TLL1: variants seen among roughly 807,000 people sequenced by gnomAD.
TLL1 encodes tolloid-like protein 1.
Under a neutral mutation model 128.2 loss-of-function variants are expected in TLL1, and 49 were observed. The observed-to-expected ratio is 0.38, with a 90% CI of 0.30 to 0.48. TLL1 has a LOEUF of 0.48. Among genes scored for constraint, TLL1 ranks in the 20% least tolerant of loss-of-function variants. TLL1 has a pLI of 0.96. For missense variants in TLL1, 1,123 were observed against 1,242.0 expected (o/e 0.90, Z 1.44); for synonymous variants, 454 against 418.8 (o/e 1.08, Z -1.03).
chr4:165,983,506 A>C, intron 1 of TLL1, among the ~76,000 whole-genome samples: 1 of 151,990 alleles, frequency 6.6e-6, no homozygotes, highest in African/African-American at 2.4e-5. Context: ...TTTATTATCA[A>C]ATATTTTCAT....
At chr4:165,900,049 C>T (rs920158581) in intron 1 of TLL1, among the ~76,000 whole-genome samples, 2 of 148,374 alleles carry the variant, frequency 1.3e-5, no homozygotes, top group East Asian at 2.0e-4. Flanking sequence ...CCCCTGCTTT[C>T]CCTGATTTTT....
At chr4:166,068,009 CCTT>C (rs1740647336) in intron 16 of TLL1, among the ~76,000 whole-genome samples, 1 of 151,392 alleles carries the variant, frequency 6.6e-6, no homozygotes, top group Non-Finnish European at 1.5e-5. Context: ...TATAATTTTC[CCTT>C]CTTTATTAGA....
chr4:166,038,659 A>G (rs1309824394), intron 9 of TLL1, among the ~76,000 whole-genome samples: 6 of 152,196 alleles, frequency 3.9e-5, no homozygotes, highest in Non-Finnish European at 5.9e-5. Flanking sequence ...CTCTTGAGTT[A>G]TCTTTACGCA....
In TLL1 at chr4:166,039,452, C is replaced by T. The variant is rs2111089588; in HGVS notation, c.1261+11C>T. The T allele has an allele frequency of 6.3e-7, 1 of 1,594,992 alleles. No individual in the cohort carries two copies. The stretch of plus-strand genomic sequence containing the variant: ...AATCACCTCTCCTTGGTAAGATATC[C>T]TTTCCCTTTTATGTGGCTATGTATC... On this transcript the variant is annotated intron_variant, in intron 10 of 20. Coordinates refer to ENST00000061240, the MANE Select transcript of TLL1 (RefSeq NM_012464.5).
intron 1 of TLL1, among the ~76,000 whole-genome samples, chr4:165,894,810 T>C (rs1030139888): frequency 6.6e-6 from 1 of 151,718 alleles, no homozygotes; most frequent in Non-Finnish European, 1.5e-5. Flanking sequence ...CTGGAGTTTT[T>C]AATTAGGAAT....
chr4:166,068,461 T>C (rs1328188235), intron 16 of TLL1, among the ~76,000 whole-genome samples: 1 of 151,870 alleles, frequency 6.6e-6, no homozygotes, highest in Non-Finnish European at 1.5e-5. Flanking sequence ...AACTACATTA[T>C]TATAAAGTAG....
chr4:165,993,543 G>T (rs1249686817), intron 3 of TLL1, among the ~76,000 whole-genome samples: 1 of 152,004 alleles, frequency 6.6e-6, no homozygotes, highest in South Asian at 2.1e-4. Flanking sequence ...CCAAGCAAAA[G>T]TGCTTTGCTC....
At chr4:165,919,091 GGAA>G (rs1040209767) in intron 1 of TLL1, among the ~76,000 whole-genome samples, 2 of 152,030 alleles carry the variant, frequency 1.3e-5, no homozygotes, top group Non-Finnish European at 2.9e-5. Context: ...TTGAAAAGAT[GGAA>G]GAATAGGCCA....
chr4:165,983,537 G>T (rs1736247069), intron 1 of TLL1, among the ~76,000 whole-genome samples: 1 of 151,742 alleles, frequency 6.6e-6, no homozygotes, highest in Non-Finnish European at 1.5e-5. Flanking sequence ...AAGAGTCCTT[G>T]TACTAACAGA....
At chr4:166,044,389 A>T (rs1393027588) in intron 12 of TLL1, 2 of 1,535,556 alleles carry the variant, frequency 1.3e-6, no homozygotes, top group South Asian at 2.4e-5. Flanking sequence ...GAATCCAGGG[A>T]TTGCCAGTAA....
At chr4:166,053,309 T>A (rs1256128497) in intron 12 of TLL1, 1 of 152,018 alleles carries the variant, frequency 6.6e-6, no homozygotes, top group Admixed American at 6.6e-5. Context: ...TTCTCACACT[T>A]CTTATCTTGC....
intron 1 of TLL1, among the ~76,000 whole-genome samples, chr4:165,952,741 A>G (rs908710512): frequency 6.6e-6 from 1 of 152,154 alleles, no homozygotes; most frequent in Non-Finnish European, 1.5e-5. Context: ...CAAAATATTC[A>G]TTCATTATAT....
chr4:166,045,023 A>G (rs997402271), intron 12 of TLL1, among the ~76,000 whole-genome samples: 2 of 151,972 alleles, frequency 1.3e-5, no homozygotes, highest in African/African-American at 4.9e-5. Context: ...TATGCACCTC[A>G]GGCACTTAGA....
At chr4:166,009,835 A>G (rs1163974555) in intron 7 of TLL1, among the ~76,000 whole-genome samples, 4 of 151,374 alleles carry the variant, frequency 2.6e-5, no homozygotes, top group African/African-American at 9.7e-5. Flanking sequence ...GAAAAACACA[A>G]AACATCAAAT....
intron 1 of TLL1, among the ~76,000 whole-genome samples, chr4:165,896,354 C>T (rs1389344759): frequency 2.6e-5 from 4 of 152,038 alleles, no homozygotes; most frequent in Non-Finnish European, 5.9e-5. Context: ...TGGGTTGGTT[C>T]CAAGGCTTTG....
intron 1 of TLL1, among the ~76,000 whole-genome samples, chr4:165,913,090 A>G (rs1732613623): frequency 6.6e-6 from 1 of 152,206 alleles, no homozygotes; most frequent in Admixed American, 6.5e-5. Flanking sequence ...CAATTTCCCA[A>G]TGGATACTTT....
At chr4:166,093,876 G>A (rs534277034) in intron 19 of TLL1, among the ~76,000 whole-genome samples, 1 of 152,250 alleles carries the variant, frequency 6.6e-6, no homozygotes, top group Non-Finnish European at 1.5e-5. Flanking sequence ...CACAGCCCTA[G>A]ATCCCTTAAA....
intron 5 of TLL1, among the ~76,000 whole-genome samples, chr4:165,995,774 G>C (rs1427734885): frequency 6.6e-6 from 1 of 151,948 alleles, no homozygotes; most frequent in African/African-American, 2.4e-5. Flanking sequence ...GGCTATCCTT[G>C]TATCTTTCTG....
chr4:166,026,558 G>A lies in TLL1; in HGVS notation c.1158+1127G>A, dbSNP rs1431230337. 1.8e-4 allele frequency among the ~76,000 whole-genome samples: 28 copies of A among 152,126 alleles called. 1 individual carries two copies. The highest frequency in any genetic ancestry group is 1.8e-3 in the Admixed American group (28 of 15,276). ...AAAAATTAGCTGGGCATGTTGGCAT[G>A]TGCCTGTAATCCCAGCTTCTCGAGA... On this transcript the variant is annotated intron_variant, in intron 9 of 20. Coordinates refer to ENST00000061240, the MANE Select transcript of TLL1 (RefSeq NM_012464.5).
Sources: allele counts gnomAD v4.1 joint callset (sites outside exome capture counted in the v4.1 genomes callset), GRCh38; gene constraint gnomAD v4.1.1; transcripts MANE v1.5; gene names NCBI Gene and HGNC (gene_info 2026-07-23, HGNC 2026-07-21).